ROBO1: variants seen among roughly 807,000 people sequenced by gnomAD.
The protein encoded by ROBO1 is roundabout homolog 1.
ROBO1 carries 149 observed loss-of-function variants against 195.9 expected under a neutral mutation model. That is an observed-to-expected ratio of 0.76 (90% CI 0.67 to 0.87). The LOEUF is 0.87. Among genes scored for constraint, ROBO1 ranks in the 40% least tolerant of loss-of-function variants. The probability of loss-of-function intolerance (pLI) is 0.00; values close to 1 mark genes in which losing one functional copy is unlikely to be tolerated. For synonymous variants in ROBO1, 816 were observed against 733.2 expected (o/e 1.11, Z -1.82); for missense variants, 1,933 against 2,068.3 (o/e 0.93, Z 1.27).
At chr3:79,555,438 G>C (rs1559988845) in intron 2 of ROBO1, among the ~76,000 whole-genome samples, 1 of 152,080 alleles carries the variant, frequency 6.6e-6, no homozygotes, top group Non-Finnish European at 1.5e-5. Flanking sequence ...GATCATGTTA[G>C]CTGGTAGAGG....
intron 2 of ROBO1, among the ~76,000 whole-genome samples, chr3:79,286,890 A>G (rs780203118): frequency 6.6e-5 from 10 of 152,208 alleles, no homozygotes; most frequent in Admixed American, 1.3e-4. Context: ...CATGACTTTT[A>G]AAGATGGGTA....
At chr3:79,469,158 T>C (rs1938130981) in intron 2 of ROBO1, among the ~76,000 whole-genome samples, 1 of 152,012 alleles carries the variant, frequency 6.6e-6, no homozygotes, top group South Asian at 2.1e-4. Context: ...ATACATCTAG[T>C]TGAGGGAGAA....
chr3:78,903,656 T>C (rs890352605), intron 4 of ROBO1, among the ~76,000 whole-genome samples: 7 of 152,130 alleles, frequency 4.6e-5, no homozygotes, highest in African/African-American at 1.4e-4. Context: ...CGACTTTATG[T>C]AAGTGTGGTT....
intron 4 of ROBO1, among the ~76,000 whole-genome samples, chr3:78,924,720 T>C (rs951831438): frequency 6.6e-6 from 1 of 152,022 alleles, no homozygotes; most frequent in African/African-American, 2.4e-5. Flanking sequence ...GCTTAGAAAA[T>C]GGTTACTATC....
intron 3 of ROBO1, among the ~76,000 whole-genome samples, chr3:78,950,162 TA>T (rs1405388195): frequency 2.0e-5 from 3 of 152,124 alleles, no homozygotes; most frequent in Admixed American, 2.0e-4. Context: ...CATTACTGGG[TA>T]TATACCCAAA....
chr3:79,648,039 A>T (rs1352786057), intron 1 of ROBO1, among the ~76,000 whole-genome samples: 1 of 152,044 alleles, frequency 6.6e-6, no homozygotes, highest in Admixed American at 6.6e-5. Context: ...TGGTTTTGCT[A>T]TATGTCTTTT....
intron 2 of ROBO1, among the ~76,000 whole-genome samples, chr3:79,272,772 G>A (rs572274054): frequency 7.9e-5 from 12 of 152,124 alleles, no homozygotes; most frequent in South Asian, 4.1e-4. Context: ...AGCCCAAAGC[G>A]GCAGGCTGAT....
intron 2 of ROBO1, among the ~76,000 whole-genome samples, chr3:79,331,581 C>A (rs893345928): frequency 2.0e-5 from 3 of 152,080 alleles, no homozygotes; most frequent in Admixed American, 1.3e-4. Flanking sequence ...AGATTTTAGA[C>A]CTTCTGATAG....
At chr3:78,701,717 T>C (rs2081425082) in intron 8 of ROBO1, among the ~76,000 whole-genome samples, 1 of 152,148 alleles carries the variant, frequency 6.6e-6, no homozygotes, top group South Asian at 2.1e-4. Context: ...AAAAGGGCCT[T>C]TGTAAAACGG....
chr3:78,972,441 T>C lies in ROBO1; in HGVS notation c.173-33514A>G, dbSNP rs538947735. Among the ~76,000 whole-genome samples, 81 of 152,316 alleles carry C rather than the reference T, an allele frequency of 5.3e-4. 2 individuals carry two copies. Among genetic ancestry groups the C allele is most frequent in the Admixed American group, 2.4e-3 (36 of 15,306 alleles). On this transcript the variant is annotated intron_variant, in intron 3 of 30. Coordinates refer to ENST00000464233, the MANE Select transcript of ROBO1 (RefSeq NM_002941.4). Reference sequence around the variant, plus strand: ...TTTTCATTTTGAGAATTTGATGATATAATATTATGACAATGATATTACAAT... The same window carrying C: ...TTTTCATTTTGAGAATTTGATGATACAATATTATGACAATGATATTACAAT...
intron 2 of ROBO1, among the ~76,000 whole-genome samples, chr3:79,186,849 C>T (rs1576789103): frequency 6.6e-6 from 1 of 152,126 alleles, no homozygotes. Flanking sequence ...AGGAATATCG[C>T]ATAGGAAATG....
At chr3:78,815,336 A>G (rs2108647094) in intron 4 of ROBO1, among the ~76,000 whole-genome samples, 2 of 152,274 alleles carry the variant, frequency 1.3e-5, no homozygotes, top group East Asian at 3.9e-4. Flanking sequence ...CTGTGAATAC[A>G]AAGGAAAAGT....
At chr3:79,665,651 A>C (rs1020403554) in intron 1 of ROBO1, among the ~76,000 whole-genome samples, 4 of 151,960 alleles carry the variant, frequency 2.6e-5, no homozygotes, top group African/African-American at 7.2e-5. Flanking sequence ...ACCACCTAAA[A>C]ATTTCAATAG....
intron 24 of ROBO1, among the ~76,000 whole-genome samples, chr3:78,632,087 T>C (rs978875596): frequency 6.6e-6 from 1 of 152,218 alleles, no homozygotes; most frequent in Admixed American, 6.5e-5. Context: ...TGGGACAAAA[T>C]ATCCCCTTTC....
chr3:78,786,802 T>C lies in ROBO1; in HGVS notation c.500-39902A>G, dbSNP rs1322656180. On this transcript the variant is annotated intron_variant, in intron 4 of 30. Transcript: ENST00000464233. ...GGAATTGTTGAGTCCATTAAGCCTCTTTTTCTTTATAAATTACCCAGTCTC... is the reference window on the plus strand; with the variant it reads ...GGAATTGTTGAGTCCATTAAGCCTCCTTTTCTTTATAAATTACCCAGTCTC... 2.6e-5 allele frequency among the ~76,000 whole-genome samples: 4 copies of C among 152,198 alleles called. No individual in the cohort carries two copies. In the East Asian group the frequency reaches 7.7e-4, roughly 29 times the overall value.
At chr3:79,103,069 T>C (rs374982292) in intron 3 of ROBO1, among the ~76,000 whole-genome samples, 2 of 151,778 alleles carry the variant, frequency 1.3e-5, no homozygotes, top group African/African-American at 2.4e-5. Flanking sequence ...ATCACATTAT[T>C]TGATATGTTG....
intron 2 of ROBO1, among the ~76,000 whole-genome samples, chr3:79,361,713 C>A (rs182111763): frequency 2.0e-5 from 3 of 151,868 alleles, no homozygotes; most frequent in Admixed American, 2.0e-4. Context: ...TTATTGTGGC[C>A]GTAACAGATA....
intron 3 of ROBO1, among the ~76,000 whole-genome samples, chr3:79,105,683 C>T (rs191268003): frequency 1.5e-4 from 23 of 151,610 alleles, no homozygotes; most frequent in Admixed American, 6.6e-4. Context: ...TGCATTGTTG[C>T]AAACAAAGAT....
intron 3 of ROBO1, among the ~76,000 whole-genome samples, chr3:79,049,637 G>A (rs2078658807): frequency 6.6e-6 from 1 of 152,038 alleles, no homozygotes; most frequent in South Asian, 2.1e-4. Context: ...AATGTTAAGG[G>A]CAGCCAGAGA....
Sources: gnomAD v4.1 joint callset for allele counts (sites outside exome capture counted in the v4.1 genomes callset) on GRCh38, gnomAD v4.1.1 for gene constraint, MANE v1.5 for transcripts, NCBI Gene and HGNC (gene_info 2026-07-23, HGNC 2026-07-21) for gene names.